Variants in CFHR5 observed in about 807,000 individuals in gnomAD.
CFHR5 encodes complement factor H related 5.
Under a neutral mutation model 62.9 loss-of-function variants are expected in CFHR5, and 73 were observed. The ratio of observed to expected loss-of-function variants is 1.16; its 90% CI spans 0.96 to 1.41. CFHR5 has a LOEUF of 1.41. Ranked by LOEUF, CFHR5 falls within the 40% of genes most tolerant of loss-of-function variation. The probability of loss-of-function intolerance (pLI) is 0.00; values close to 1 mark genes in which losing one functional copy is unlikely to be tolerated. For missense variants in CFHR5, 779 were observed against 679.9 expected, an observed-to-expected ratio of 1.15 and a Z score of -1.62; for synonymous variants, 249 against 227.2, an observed-to-expected ratio of 1.10 and a Z score of -0.86.
chr1:196,980,104 T>C (rs1653500735), intron 1 of CFHR5, among the ~76,000 whole-genome samples: 1 of 152,112 alleles, frequency 6.6e-6, no homozygotes, highest in South Asian at 2.1e-4. Flanking sequence ...GGATCATCAG[T>C]ATCACTGTCT....
Position 196,998,171 on chromosome 1 carries a change from A to G in CFHR5, c.1014A>G (p.Ile338Met). 2 of 1,588,452 alleles carry G rather than the reference A, an allele frequency of 1.3e-6. No homozygotes were observed. Among genetic ancestry groups the G allele is most frequent in the Non-Finnish European group, 1.7e-6 (2 of 1,165,520 alleles). Residue 338 changes from isoleucine to methionine, a missense_variant, in exon 7 of 10, where the codon ATA becomes ATG. Physicochemically the swap from Ile to Met is conservative, Grantham distance 10. Transcript: ENST00000256785. ...LKRCKIAGVN[I>M]KTLLKLSGKE... The stretch of plus-strand genomic sequence containing the variant: ...GGTGCAAAATAGCAGGAGTTAATAT[A>G]AAAACATTACTCAAGCTATCTGGGA...
chr1:196,984,281 T>C, intron 3 of CFHR5, 144 bp downstream of exon 3: 1 of 720,620 alleles, frequency 1.4e-6, no homozygotes, highest in Non-Finnish European at 2.3e-6. Context: ...TGTGTCTAAG[T>C]AGATGTGCAA....
chr1:197,005,426 T>C (rs1380673126), intron 9 of CFHR5, among the ~76,000 whole-genome samples: 2 of 152,150 alleles, frequency 1.3e-5, no homozygotes, highest in African/African-American at 2.4e-5. Flanking sequence ...AATATACATA[T>C]TAAGTTTCCA....
At position 196,999,722 on chromosome 1, in the gene CFHR5, TACACACAC is replaced by T. The variant is rs60382421; in HGVS notation, c.1147+1424_1147+1431del. 6.1e-3 allele frequency among the ~76,000 whole-genome samples: 697 copies of T among 114,964 alleles called. 4 individuals carry two copies. Among genetic ancestry groups the T allele is most frequent in the East Asian group, 0.022 (53 of 2,440 alleles). The allele number at this position is 114,964 out of a possible 152,430, so 75.4% of individuals were successfully genotyped here. A position where few individuals can be genotyped will look rare whatever the true frequency, so the allele number is the denominator to read the frequency against. On this transcript the variant is annotated intron_variant, in intron 7 of 9. Coordinates refer to ENST00000256785, the MANE Select transcript of CFHR5 (RefSeq NM_030787.4). ...ATATATATATATATATATATATATA[TACACACAC>T]ACACATATATATACACACACATATG...
intron 6 of CFHR5, among the ~76,000 whole-genome samples, chr1:196,996,435 G>T (rs1653991603): frequency 6.6e-6 from 1 of 152,024 alleles, no homozygotes; most frequent in African/African-American, 2.4e-5. Context: ...GATTTTTCTG[G>T]CATGATGAAT....
At position 197,004,650 on chromosome 1, in the gene CFHR5, C is replaced by T. The variant is rs781491115; in HGVS notation, c.1331-11C>T. On this transcript the variant is annotated splice_polypyrimidine_tract_variant and intron_variant, in intron 8 of 9. Transcript: ENST00000256785. ...AACATAATGTCTCAACAAATAAATG[C>T]TGTTTTCCAGAGTCTACTGCATATT... 4.9e-5 allele frequency: 78 copies of T among 1,607,356 alleles called. No individual in the cohort carries two copies. Among genetic ancestry groups the T allele is most frequent in the Non-Finnish European group, 6.5e-5 (76 of 1,174,152 alleles).
At chr1:197,003,209 C>A (rs574806227) in intron 8 of CFHR5, among the ~76,000 whole-genome samples, 51 of 152,258 alleles carry the variant, frequency 3.3e-4, no homozygotes, top group African/African-American at 1.2e-3. Flanking sequence ...GGTTCAAGAT[C>A]CTATGAGAAT....
chr1:196,987,298 C>A (rs551124792), intron 3 of CFHR5, among the ~76,000 whole-genome samples: 5 of 151,942 alleles, frequency 3.3e-5, no homozygotes, highest in Non-Finnish European at 7.3e-5. Flanking sequence ...AGATTTTCTC[C>A]CATTCTGTAC....
intron 1 of CFHR5, among the ~76,000 whole-genome samples, chr1:196,980,628 G>GTGTGTC (rs1491195134): frequency 1.8e-3 from 258 of 142,568 alleles, no homozygotes; most frequent in African/African-American, 6.5e-3. Flanking sequence ...GTGTGTGTGT[G>GTGTGTC]TATCCCAGAA....
At chr1:196,985,924 A>G (rs139354394) in intron 3 of CFHR5, among the ~76,000 whole-genome samples, 1 of 152,338 alleles carries the variant, frequency 6.6e-6, no homozygotes, top group East Asian at 1.9e-4. Flanking sequence ...TTGTTTCAAA[A>G]TTTAGCACAT....
chr1:196,999,722 T>TACAC lies in CFHR5; in HGVS notation c.1147+1428_1147+1431dup, dbSNP rs60382421. 2.2e-3 allele frequency among the ~76,000 whole-genome samples: 250 copies of TACAC among 116,082 alleles called. 4 individuals carry two copies. The highest frequency in any genetic ancestry group is 7.5e-3 in the African/African-American group (217 of 28,754). The allele number at this position is 116,082 out of a possible 152,430, so 76.2% of individuals were successfully genotyped here. On this transcript the variant is annotated intron_variant, in intron 7 of 9. Coordinates refer to ENST00000256785, the MANE Select transcript of CFHR5 (RefSeq NM_030787.4). Reference sequence around the variant, plus strand: ...ATATATATATATATATATATATATATACACACACACACATATATATACACA... The same window carrying TACAC: ...ATATATATATATATATATATATATATACACACACACACACACATATATATACACA...
chr1:197,001,264 G>A (rs921987326), intron 7 of CFHR5, among the ~76,000 whole-genome samples: 1 of 152,056 alleles, frequency 6.6e-6, no homozygotes, highest in Non-Finnish European at 1.5e-5. Context: ...TTTCTGTTTA[G>A]ATTTGCACTA....
At chr1:196,977,072 G>T (rs888139735), upstream of CFHR5, among the ~76,000 whole-genome samples, 8 of 152,022 alleles carry the variant, frequency 5.3e-5, no homozygotes, top group African/African-American at 1.9e-4. Context: ...CTCCCAAAGT[G>T]CTGGGATTAC....
At chr1:196,976,003 G>A (rs186052773), upstream of CFHR5, among the ~76,000 whole-genome samples, 209 of 152,180 alleles carry the variant, frequency 1.4e-3, no homozygotes, top group Admixed American at 6.1e-3. Context: ...AAGTGTCAGG[G>A]TCATTGAATG....
chr1:196,978,060 A>G (rs988241982), intron 1 of CFHR5, among the ~76,000 whole-genome samples: 3 of 152,166 alleles, frequency 2.0e-5, no homozygotes, highest in African/African-American at 7.2e-5. Flanking sequence ...GCCACTGACT[A>G]GAAAAATCAA....
chr1:196,976,732 A>G (rs767638276), upstream of CFHR5, among the ~76,000 whole-genome samples: 33 of 152,174 alleles, frequency 2.2e-4, no homozygotes, highest in Admixed American at 4.6e-4. Context: ...CCACCTGAAC[A>G]AAATGATTTT....
chr1:196,984,289 C>G lies in CFHR5; in HGVS notation c.430+152C>G, dbSNP rs1432816941. On this transcript the variant is annotated intron_variant, in intron 3 of 9. Transcript: ENST00000256785. ...TTCCAATTGTGTCTAAGTAGATGTG[C>G]AATAACATAGTTTGCCTACCTATAT... The G allele has an allele frequency of 4.4e-6, 3 of 682,388 alleles. No individual in the cohort carries two copies. The African/African-American group carries it at 5.4e-5, about 12-fold the overall frequency. The allele number at this position is 682,388 out of a possible 1,614,324, so 42.3% of individuals were successfully genotyped here. A position where few individuals can be genotyped will look rare whatever the true frequency, so the allele number is the denominator to read the frequency against.
chr1:197,005,581 C>T (rs945817970), intron 9 of CFHR5, among the ~76,000 whole-genome samples: 4 of 151,976 alleles, frequency 2.6e-5, no homozygotes, highest in Admixed American at 6.6e-5. Flanking sequence ...AGATATGGGG[C>T]GAATTAATAA....
At chr1:196,992,777 T>C (rs1653881388) in intron 3 of CFHR5, among the ~76,000 whole-genome samples, 1 of 152,198 alleles carries the variant, frequency 6.6e-6, no homozygotes, top group Non-Finnish European at 1.5e-5. Context: ...AACAGAGATT[T>C]AGAGATACAC....
Sources: gnomAD v4.1 joint callset for allele counts (sites outside exome capture counted in the v4.1 genomes callset) on GRCh38, gnomAD v4.1.1 for gene constraint, MANE v1.5 for transcripts, NCBI Gene and HGNC (gene_info 2026-07-23, HGNC 2026-07-21) for gene names.